The following FBRSL1 variants were observed in gnomAD, a reference collection of about 807,000 sequenced individuals.
The protein encoded by FBRSL1 is fibrosin like 1, also known as fibrosin-1-like protein.
Under a neutral mutation model 89.6 loss-of-function variants are expected in FBRSL1, and 51 were observed. The ratio of observed to expected loss-of-function variants is 0.57; its 90% CI spans 0.45 to 0.72. The LOEUF is 0.72. Among genes scored for constraint, FBRSL1 ranks in the 30% least tolerant of loss-of-function variants. FBRSL1 has a pLI of 0.00. For missense variants in FBRSL1, 1,618 were observed against 1,451.8 expected, an observed-to-expected ratio of 1.11 and a Z score of -1.86; for synonymous variants, 779 against 681.1, an observed-to-expected ratio of 1.14 and a Z score of -2.24.
intron 4 of FBRSL1, 54 bp downstream of exon 4, chr12:132,528,042 A>G (rs2136964677): frequency 6.7e-7 from 1 of 1,496,856 alleles, no homozygotes; most frequent in Non-Finnish European, 9.1e-7. Context: ...CCTTAGGACC[A>G]GGTCCCCACC....
At chr12:132,581,206 C>G (rs747159080) in intron 15 of FBRSL1, 114 of 985,404 alleles carry the variant, frequency 1.2e-4, no homozygotes, top group Non-Finnish European at 1.3e-4. Flanking sequence ...CTCCCTGCCC[C>G]CCTTGGGGTC....
rs538988902 is a variant in FBRSL1, at chr12:132,581,428, GC to G, written c.1835-3del. ...CTCCTGGCTTCTGTCAAACCTGGCT[GC>G]CCCCCCCAGGTGCCGCCCATCCTGC... On this transcript the variant is annotated splice_polypyrimidine_tract_variant and intron_variant, in intron 15 of 18. Transcript: ENST00000680143. 2.0e-5 allele frequency: 31 copies of G among 1,549,406 alleles called. No individual in the cohort carries two copies. Among genetic ancestry groups the G allele is most frequent in the Admixed American group, 1.4e-4 (7 of 50,878 alleles).
intron 16 of FBRSL1, 59 bp downstream of exon 16, chr12:132,581,575 G>C: frequency 3.3e-6 from 5 of 1,535,824 alleles, no homozygotes; most frequent in Non-Finnish European, 4.4e-6. Context: ...GCCTTGTGGC[G>C]GGGGAATTAG....
Position 132,499,853 on chromosome 12 carries a change from C to T in FBRSL1, c.292-8300C>T, listed in dbSNP as rs61952071. Among the ~76,000 whole-genome samples the T allele has an allele frequency of 9.2e-5, 14 of 151,916 alleles. No individual in the cohort carries two copies. The highest frequency in any genetic ancestry group is 3.1e-4 in the African/African-American group (13 of 41,340). Reference sequence around the variant, plus strand: ...GTCCTCAGGAGTGTGAGGGACAGAACGGCCTCTGAGCCCCAGCTCCGTTGG... The same window carrying T: ...GTCCTCAGGAGTGTGAGGGACAGAATGGCCTCTGAGCCCCAGCTCCGTTGG... On this transcript the variant is annotated intron_variant, in intron 1 of 18. Coordinates refer to ENST00000680143, the MANE Select transcript of FBRSL1 (RefSeq NM_001367871.1). The surrounding 1 kb of genome is among the most constrained non-coding windows in gnomAD (Gnocchi z 4.3).
At chr12:132,495,242 G>A (rs2031808023) in intron 1 of FBRSL1, among the ~76,000 whole-genome samples, 1 of 152,262 alleles carries the variant, frequency 6.6e-6, no homozygotes, top group African/African-American at 2.4e-5. Context: ...AGGGGCCAGG[G>A]TTCCAGGAGC....
chr12:132,567,347 G>A (rs557768089), intron 5 of FBRSL1, 134 bp from the exon 6 acceptor site: 6 of 779,418 alleles, frequency 7.7e-6, no homozygotes, highest in South Asian at 3.3e-5. Flanking sequence ...CCTCGTACAC[G>A]GGGGCATCCA....
At chr12:132,502,049 C>T (rs2033050956) in intron 1 of FBRSL1, among the ~76,000 whole-genome samples, 1 of 152,204 alleles carries the variant, frequency 6.6e-6, no homozygotes, top group African/African-American at 2.4e-5. Context: ...ATGGACGGGA[C>T]ATATGTTGGT....
chr12:132,509,869 G>T (rs112998888), intron 2 of FBRSL1: 1 of 1,231,644 alleles, frequency 8.1e-7, no homozygotes, highest in African/African-American at 1.6e-5. Flanking sequence ...CCACGCCGAC[G>T]GCCCGCCAGC....
At chr12:132,519,896 TCTC>T in intron 2 of FBRSL1, among the ~76,000 whole-genome samples, 1 of 83,050 alleles carries the variant, frequency 1.2e-5, no homozygotes, top group Admixed American at 1.3e-4. Flanking sequence ...CAAGACTCTG[TCTC>T]AAAAAAAAAA....
intron 4 of FBRSL1, 56 bp from the exon 5 acceptor site, chr12:132,547,947 G>T: frequency 6.5e-7 from 1 of 1,545,504 alleles, no homozygotes; most frequent in Non-Finnish European, 8.7e-7. Context: ...CCGTGCCCCG[G>T]GGGGTGACAC....
At chr12:132,522,450 C>T (rs1185851294) in intron 2 of FBRSL1, among the ~76,000 whole-genome samples, 1 of 152,192 alleles carries the variant, frequency 6.6e-6, no homozygotes, top group Non-Finnish European at 1.5e-5. Context: ...CCAGAACCCT[C>T]AGGGCCCCAG....
At chr12:132,503,400 C>T (rs925500138) in intron 1 of FBRSL1, among the ~76,000 whole-genome samples, 4 of 152,206 alleles carry the variant, frequency 2.6e-5, no homozygotes, top group African/African-American at 9.7e-5. Context: ...TCTGTGGGTG[C>T]GTGATGTGGG....
intron 2 of FBRSL1, chr12:132,510,573 G>C: frequency 8.1e-7 from 1 of 1,230,992 alleles, no homozygotes; most frequent in Non-Finnish European, 1.0e-6. Flanking sequence ...ACTAGCCTGA[G>C]GCCTTGTCTA....
At chr12:132,510,873 C>A (rs535274606) in intron 2 of FBRSL1, 6 of 1,026,412 alleles carry the variant, frequency 5.8e-6, no homozygotes, top group Non-Finnish European at 7.0e-6. Context: ...ACTGTCCTTG[C>A]ATCTCTGAGT....
At chr12:132,574,678 C>CA in intron 14 of FBRSL1, 114 bp downstream of exon 14, 1 of 1,318,288 alleles carries the variant, frequency 7.6e-7, no homozygotes, top group Non-Finnish European at 1.0e-6. Flanking sequence ...CGGGTGTGAT[C>CA]CTCACGCGTG....
intron 2 of FBRSL1, among the ~76,000 whole-genome samples, chr12:132,522,368 G>C (rs1321881918): frequency 2.0e-5 from 3 of 152,110 alleles, no homozygotes; most frequent in African/African-American, 7.2e-5. Flanking sequence ...GGAGGGAGGG[G>C]GTTGGTGAGG....
intron 1 of FBRSL1, among the ~76,000 whole-genome samples, chr12:132,496,289 T>C (rs950185179): frequency 9.2e-5 from 14 of 152,212 alleles, no homozygotes; most frequent in Non-Finnish European, 2.1e-4. Flanking sequence ...ACGTCCGCCA[T>C]ATCCCGCCTT....
At chr12:132,519,800 T>C (rs2035181709) in intron 2 of FBRSL1, among the ~76,000 whole-genome samples, 1 of 149,522 alleles carries the variant, frequency 6.7e-6, no homozygotes. Flanking sequence ...TCCCAGCTAC[T>C]AGAGAGGCTG....
At chr12:132,530,984 G>A (rs2036219109) in intron 4 of FBRSL1, among the ~76,000 whole-genome samples, 2 of 118,854 alleles carry the variant, frequency 1.7e-5, no homozygotes, top group Non-Finnish European at 3.8e-5. Flanking sequence ...CGGGCCCCTT[G>A]TGTCCAGTGT....
Sources: allele counts gnomAD v4.1 joint callset (sites outside exome capture counted in the v4.1 genomes callset), GRCh38; gene constraint gnomAD v4.1.1; non-coding constraint Gnocchi (gnomAD v3.1); transcripts MANE v1.5; gene names NCBI Gene and HGNC (gene_info 2026-07-23, HGNC 2026-07-21).